The following UBE4B variants were observed in gnomAD, a reference collection of about 807,000 sequenced individuals.
UBE4B encodes the protein ubiquitination factor E4B.
UBE4B carries 27 observed loss-of-function variants against 148.1 expected under a neutral mutation model. The observed-to-expected ratio is 0.18, with a 90% CI of 0.13 to 0.25. UBE4B has a LOEUF of 0.25. UBE4B is among the 10% of genes least tolerant of loss of function. The pLI, the probability that UBE4B is intolerant of heterozygous loss-of-function variation, is 1.00. For missense variants in UBE4B, 1,170 were observed against 1,662.4 expected (o/e 0.70, Z 5.15); for synonymous variants, 596 against 619.3 (o/e 0.96, Z 0.56).
At chr1:10,079,377 C>T (rs1433516747) in intron 2 of UBE4B, among the ~76,000 whole-genome samples, 2 of 152,066 alleles carry the variant, frequency 1.3e-5, no homozygotes, top group African/African-American at 4.8e-5. Flanking sequence ...CCAGGCTGGT[C>T]TTGAACTTCT....
At chr1:10,060,891 G>A (rs1015256160) in intron 1 of UBE4B, among the ~76,000 whole-genome samples, 2 of 151,986 alleles carry the variant, frequency 1.3e-5, no homozygotes, top group African/African-American at 2.4e-5. Context: ...CTACAGGCAC[G>A]TGCCACCATG....
intron 10 of UBE4B, 54 bp from the exon 11 acceptor site, chr1:10,126,740 C>T (rs1645505344): frequency 6.9e-7 from 1 of 1,454,092 alleles, no homozygotes; most frequent in Admixed American, 1.7e-5. Context: ...GACATACTTC[C>T]CACTCTTAGA....
At chr1:10,084,739 C>T (rs1644737103) in intron 2 of UBE4B, among the ~76,000 whole-genome samples, 1 of 151,264 alleles carries the variant, frequency 6.6e-6, no homozygotes, top group Admixed American at 6.6e-5. Context: ...GCTCAGTCCC[C>T]CAGGCTGGAG....
At chr1:10,089,902 C>T (rs1464705753) in intron 2 of UBE4B, among the ~76,000 whole-genome samples, 1 of 151,952 alleles carries the variant, frequency 6.6e-6, no homozygotes, top group Non-Finnish European at 1.5e-5. Flanking sequence ...CAGGGTTTCA[C>T]CATGGTGGCC....
intron 2 of UBE4B, among the ~76,000 whole-genome samples, chr1:10,081,788 C>G (rs1644686081): frequency 6.6e-6 from 1 of 151,894 alleles, no homozygotes; most frequent in Admixed American, 6.6e-5. Flanking sequence ...GAGGTTTCAC[C>G]ATGTTGGCCA....
intron 1 of UBE4B, among the ~76,000 whole-genome samples, chr1:10,040,792 G>A (rs1643730057): frequency 6.6e-6 from 1 of 151,684 alleles, no homozygotes; most frequent in African/African-American, 2.4e-5. Flanking sequence ...TAATTTTTTT[G>A]TATTTTTATT....
intron 2 of UBE4B, among the ~76,000 whole-genome samples, chr1:10,090,127 G>GTT (rs961202284): frequency 2.4e-5 from 2 of 84,408 alleles, no homozygotes; most frequent in Non-Finnish European, 3.8e-5. Flanking sequence ...GTGTGTGTGT[G>GTT]TTTTTTTTTT....
chr1:10,088,979 C>T (rs566572895), intron 2 of UBE4B, among the ~76,000 whole-genome samples: 2 of 152,214 alleles, frequency 1.3e-5, no homozygotes, highest in East Asian at 3.9e-4. Flanking sequence ...ACACCCAGCC[C>T]ACTTTATTTT....
In UBE4B at chr1:10,130,737, TCTCAGGGC is replaced by T; in HGVS notation, c.1838_1845del (p.Ser613CysfsTer11). The stretch of plus-strand genomic sequence containing the variant: ...CAGGTTAAAGTGGTTGAAAAATACT[TCTCAGGGC>T]CTGCCATTACCCTGGAAAACACTCG... On this transcript the variant is annotated frameshift_variant, in exon 14 of 28. Transcript: ENST00000343090. LOFTEE classifies it high-confidence loss of function. The T allele has an allele frequency of 6.2e-7, 1 of 1,614,180 alleles. No homozygotes were observed. The highest frequency in any genetic ancestry group is 1.1e-5 in the South Asian group (1 of 91,082).
chr1:10,117,572 T>C lies in UBE4B; in HGVS notation c.1310T>C (p.Val437Ala). 1 of 1,595,266 alleles carries C rather than the reference T, an allele frequency of 6.3e-7. No homozygotes were observed. The highest frequency in any genetic ancestry group is 8.5e-7 in the Non-Finnish European group (1 of 1,175,204). Residue 437 changes from valine (V) to alanine (A), a missense_variant, in exon 8 of 28, where the codon GTT (valine) becomes GCT (alanine). Physicochemically the swap from Val to Ala is moderately conservative, Grantham distance 64 (BLOSUM62 0). Around this residue, in one of 6 missense-constraint regions of UBE4B, gnomAD observed 388 missense variants for 536.0 expected, o/e 0.72. Transcript: ENST00000343090. ...LNYLIECFDR[V>A]GIEEKKAPKM... ...TACCTCATCGAGTGTTTCGACCGAG[T>C]TGGAATAGAGGAAAAAAAAGCACCA...
At chr1:10,153,736 T>G (rs1314957420) in intron 21 of UBE4B, among the ~76,000 whole-genome samples, 2 of 151,362 alleles carry the variant, frequency 1.3e-5, no homozygotes, top group Admixed American at 1.3e-4. Flanking sequence ...GATCACAAGG[T>G]CAAGAGATCG....
chr1:10,055,397 C>T (rs1644146354), intron 1 of UBE4B, among the ~76,000 whole-genome samples: 1 of 152,004 alleles, frequency 6.6e-6, no homozygotes, highest in South Asian at 2.1e-4. Flanking sequence ...TCACTGTAGC[C>T]TTGAACTCCT....
chr1:10,069,832 G>A (rs1362349710), intron 1 of UBE4B, among the ~76,000 whole-genome samples: 1 of 152,168 alleles, frequency 6.6e-6, no homozygotes, highest in Admixed American at 6.5e-5. Context: ...CAGATGTGCA[G>A]TGTACGGATG....
Position 10,168,388 on chromosome 1 carries a change from T to G in UBE4B, c.3333+118T>G. 1 of 1,418,334 alleles carries G rather than the reference T, an allele frequency of 7.1e-7. No homozygotes were observed. The highest frequency in any genetic ancestry group is 9.4e-7 in the Non-Finnish European group (1 of 1,059,880). 87.9% of individuals were successfully genotyped at this position (1,418,334 alleles called of 1,614,324 possible). ...TTTTAGGATCACAGTCATCAATAAG[T>G]GAAATTCTGTGACTGATTTTGTTCC... On this transcript the variant is annotated intron_variant, in intron 24 of 27. Transcript: ENST00000343090. The surrounding 1 kb of genome is among the most constrained non-coding windows in gnomAD (Gnocchi z 4.9).
chr1:10,065,936 A>T (rs534193771), intron 1 of UBE4B, among the ~76,000 whole-genome samples: 171 of 152,256 alleles, frequency 1.1e-3, no homozygotes, highest in Non-Finnish European at 1.8e-3. Flanking sequence ...TCAATTTTTT[A>T]AAAAATGGAA....
At chr1:10,081,186 C>T (rs1214343889) in intron 2 of UBE4B, among the ~76,000 whole-genome samples, 2 of 152,086 alleles carry the variant, frequency 1.3e-5, no homozygotes, top group Non-Finnish European at 2.9e-5. Flanking sequence ...CCTCAGCCTC[C>T]TGAGTAGCTG....
At chr1:10,139,800 C>T (rs1645757175) in intron 17 of UBE4B, among the ~76,000 whole-genome samples, 1 of 152,220 alleles carries the variant, frequency 6.6e-6, no homozygotes, top group Non-Finnish European at 1.5e-5. Flanking sequence ...GCAATCTTGG[C>T]TCACCTCAAC....
At position 10,179,504 on chromosome 1, in the gene UBE4B, C is replaced by T. The variant is rs1646475083; in HGVS notation, c.3789C>T (p.Leu1263=). Residue 1263 remains leucine (L), a synonymous_variant, in exon 27 of 28, where the codon CTC becomes CTT. Transcript: ENST00000343090. Reference sequence around the variant, plus strand: ...GCTCCATCATCCTGCGGCACCTGCTCAACTCCCCCACGGACCCCTTCAACC... The same window carrying T: ...GCTCCATCATCCTGCGGCACCTGCTTAACTCCCCCACGGACCCCTTCAACC... ...MDRSIILRHL[L]NSPTDPFNRQ... 3 of 1,614,008 alleles carry T rather than the reference C, an allele frequency of 1.9e-6. No homozygotes were observed. The highest frequency in any genetic ancestry group is 2.5e-6 in the Non-Finnish European group (3 of 1,180,032).
At chr1:10,084,389 A>G (rs1468587880) in intron 2 of UBE4B, among the ~76,000 whole-genome samples, 4 of 151,944 alleles carry the variant, frequency 2.6e-5, no homozygotes, top group African/African-American at 9.7e-5. Flanking sequence ...CACCCTCTTC[A>G]TGTAATTCAC....
Sources: gnomAD v4.1 joint callset for allele counts (sites outside exome capture counted in the v4.1 genomes callset) on GRCh38, gnomAD v4.1.1 for gene constraint, gnomAD v4.1.1 regional missense constraint, Gnocchi (gnomAD v3.1) non-coding constraint, MANE v1.5 for transcripts, NCBI Gene and HGNC (gene_info 2026-07-23, HGNC 2026-07-21) for gene names.